The following UBE2H variants were observed in gnomAD, a reference collection of about 807,000 sequenced individuals.
The protein encoded by UBE2H is ubiquitin-conjugating enzyme E2 H.
A neutral mutation model predicts 29.0 loss-of-function variants in UBE2H; 3 were observed. The observed-to-expected ratio is 0.10, with a 90% CI of 0.05 to 0.27. The LOEUF (loss-of-function observed/expected upper bound fraction) is 0.27, where lower values mean the gene tolerates loss of function less well. UBE2H is among the 10% of genes least tolerant of loss of function. The probability of loss-of-function intolerance (pLI) is 1.00; values close to 1 mark genes in which losing one functional copy is unlikely to be tolerated. For missense variants in UBE2H, 68 were observed against 228.2 expected (o/e 0.30, Z 4.52); for synonymous variants, 69 against 82.9 (o/e 0.83, Z 0.91).
intron 1 of UBE2H, among the ~76,000 whole-genome samples, chr7:129,938,099 A>G (rs927889153): frequency 1.3e-5 from 2 of 152,086 alleles, no homozygotes; most frequent in Non-Finnish European, 2.9e-5. Flanking sequence ...GTTTTCATCT[A>G]TTTGAATATA....
At chr7:129,898,813 C>CTTTTTTTT in intron 1 of UBE2H, among the ~76,000 whole-genome samples, 1 of 145,816 alleles carries the variant, frequency 6.9e-6, no homozygotes. Context: ...AGTTGCAGGC[C>CTTTTTTTT]TTTTTTTTTT....
chr7:129,840,434 C>T (rs1030850774), intron 5 of UBE2H, among the ~76,000 whole-genome samples: 1 of 152,034 alleles, frequency 6.6e-6, no homozygotes, highest in African/African-American at 2.4e-5. Context: ...GAGATCCTTC[C>T]ATCTTGGCCT....
chr7:129,889,861 G>T (rs772662409), intron 1 of UBE2H, among the ~76,000 whole-genome samples: 19 of 152,232 alleles, frequency 1.2e-4, no homozygotes, highest in Admixed American at 6.5e-5. Flanking sequence ...ATGGTGGTAC[G>T]TGCTTATACT....
chr7:129,905,057 G>T (rs1347283540), intron 1 of UBE2H, among the ~76,000 whole-genome samples: 1 of 152,128 alleles, frequency 6.6e-6, no homozygotes, highest in Non-Finnish European at 1.5e-5. Flanking sequence ...CACAATGACT[G>T]AGGGGAGTAC....
intron 1 of UBE2H, among the ~76,000 whole-genome samples, chr7:129,891,335 G>A (rs143764678): frequency 1.3e-5 from 2 of 151,876 alleles, no homozygotes; most frequent in Non-Finnish European, 2.9e-5. Flanking sequence ...ACAGGCATGC[G>A]CCACCGCACC....
chr7:129,871,471 T>C (rs912213721), intron 3 of UBE2H, among the ~76,000 whole-genome samples: 1 of 152,172 alleles, frequency 6.6e-6, no homozygotes, highest in African/African-American at 2.4e-5. Context: ...TCCCAGCACT[T>C]TGGGAGGCCA....
intron 1 of UBE2H, among the ~76,000 whole-genome samples, chr7:129,907,960 T>C (rs1424495168): frequency 2.6e-5 from 4 of 152,102 alleles, no homozygotes; most frequent in African/African-American, 9.7e-5. Context: ...AACATAACAC[T>C]AGTAGCCTGA....
intron 1 of UBE2H, among the ~76,000 whole-genome samples, chr7:129,945,255 T>C (rs1052393102): frequency 1.3e-5 from 2 of 152,224 alleles, no homozygotes; most frequent in African/African-American, 4.8e-5. Flanking sequence ...TACAGTTAAC[T>C]GTATGTCAAT....
chr7:129,836,879 C>CAAAAAAA lies in UBE2H; in HGVS notation c.428-1825_428-1819dup, dbSNP rs61226846. Among the ~76,000 whole-genome samples, 153 of 73,714 alleles carry CAAAAAAA rather than the reference C, an allele frequency of 2.1e-3. 13 individuals carry two copies. The highest frequency in any genetic ancestry group is 0.018 in the East Asian group (30 of 1,650). 48.4% of individuals were successfully genotyped at this position (73,714 alleles called of 152,430 possible). ...TAGGCGACAGGGCAAGACTCCGTCT[C>CAAAAAAA]AAAAAAAAAAAAAAAAAAAAAAAAA... On this transcript the variant is annotated intron_variant, in intron 6 of 6. Coordinates refer to ENST00000355621, the MANE Select transcript of UBE2H (RefSeq NM_003344.4).
At chr7:129,880,288 C>T (rs1476307913) in intron 2 of UBE2H, among the ~76,000 whole-genome samples, 1 of 152,174 alleles carries the variant, frequency 6.6e-6, no homozygotes, top group African/African-American at 2.4e-5. Flanking sequence ...GGGTGGATCA[C>T]CTGAGGTCAG....
chr7:129,933,890 G>C (rs2116500339), intron 1 of UBE2H, among the ~76,000 whole-genome samples: 1 of 152,310 alleles, frequency 6.6e-6, no homozygotes, highest in East Asian at 1.9e-4. Flanking sequence ...ACTGTGATAA[G>C]GACTTACTCT....
intron 1 of UBE2H, among the ~76,000 whole-genome samples, chr7:129,900,100 A>G (rs2116419659): frequency 6.6e-6 from 1 of 152,104 alleles, no homozygotes; most frequent in South Asian, 2.1e-4. Flanking sequence ...ACTGCACTCC[A>G]GCCTGGGCTA....
Position 129,879,480 on chromosome 7 carries a change from C to T in UBE2H, c.205+88G>A, listed in dbSNP as rs565639566. ...GAAAAATTCAATTAGACAGCCATTTCTGGCATTAATTACCTCCCCTGAAAT... is the reference window on the plus strand; with the variant it reads ...GAAAAATTCAATTAGACAGCCATTTTTGGCATTAATTACCTCCCCTGAAAT... On this transcript the variant is annotated intron_variant, in intron 3 of 6. Transcript: ENST00000355621. The T allele has an allele frequency of 5.6e-6, 7 of 1,245,054 alleles. No homozygotes were observed. The African/African-American group carries it at 9.1e-5, about 16-fold the overall frequency. 77.1% of individuals were successfully genotyped at this position (1,245,054 alleles called of 1,614,324 possible).
chr7:129,872,837 C>T (rs1387549554), intron 3 of UBE2H, among the ~76,000 whole-genome samples: 1 of 98,438 alleles, frequency 1.0e-5, no homozygotes, highest in East Asian at 3.1e-4. Context: ...CAGAGCAACA[C>T]TCCGTCTCAA....
At chr7:129,835,198 G>T in intron 6 of UBE2H, 137 bp from the exon 7 acceptor site, 1 of 1,253,464 alleles carries the variant, frequency 8.0e-7, no homozygotes, top group Non-Finnish European at 1.1e-6. Context: ...CAGTAATCAT[G>T]ATCACTACAG....
Position 129,902,774 on chromosome 7 carries a change from G to A in UBE2H, c.54-21803C>T, listed in dbSNP as rs78323046. On this transcript the variant is annotated intron_variant, in intron 1 of 6. Coordinates refer to ENST00000355621, the MANE Select transcript of UBE2H (RefSeq NM_003344.4). ...GCAAGTGAAATGATCTCTAAGCCTT[G>A]CCTCCCCCCACCATTTACAAAAGTG... 3.3e-3 allele frequency among the ~76,000 whole-genome samples: 508 copies of A among 152,232 alleles called. 12 individuals carry two copies. The highest frequency in any genetic ancestry group is 0.026 in the East Asian group (133 of 5,176).
At chr7:129,892,342 C>T (rs1806512886) in intron 1 of UBE2H, among the ~76,000 whole-genome samples, 3 of 152,246 alleles carry the variant, frequency 2.0e-5, no homozygotes, top group South Asian at 4.1e-4. Context: ...ACCTCCACCT[C>T]CTGGGTTCAA....
At chr7:129,839,106 A>G in intron 6 of UBE2H, 101 bp downstream of exon 6, 2 of 1,510,420 alleles carry the variant, frequency 1.3e-6, no homozygotes. Context: ...AGGCCTAAGA[A>G]AAAGTATTAG....
intron 1 of UBE2H, among the ~76,000 whole-genome samples, chr7:129,935,624 G>T (rs905904120): frequency 6.6e-6 from 1 of 152,068 alleles, no homozygotes; most frequent in Admixed American, 6.6e-5. Context: ...ATCTATTGTT[G>T]TAGAGAGGTA....
Sources: gnomAD v4.1 joint callset for allele counts (sites outside exome capture counted in the v4.1 genomes callset) on GRCh38, gnomAD v4.1.1 for gene constraint, MANE v1.5 for transcripts, NCBI Gene and HGNC (gene_info 2026-07-23, HGNC 2026-07-21) for gene names.